RBMS3: variants seen among roughly 807,000 people sequenced by gnomAD.
RBMS3 encodes RNA-binding motif, single-stranded-interacting protein 3.
Under a neutral mutation model 66.8 loss-of-function variants are expected in RBMS3, and 27 were observed. The observed-to-expected ratio is 0.40, with a 90% CI of 0.30 to 0.56. The LOEUF (loss-of-function observed/expected upper bound fraction) is 0.56. Among genes scored for constraint, RBMS3 ranks in the 20% least tolerant of loss-of-function variants. The pLI, the probability that RBMS3 is intolerant of heterozygous loss-of-function variation, is 0.40. For synonymous variants in RBMS3, 188 were observed against 183.0 expected (o/e 1.03, Z -0.22); for missense variants, 513 against 549.5 (o/e 0.93, Z 0.66).
At chr3:29,854,195 G>A (rs964707548) in intron 6 of RBMS3, among the ~76,000 whole-genome samples, 2 of 152,100 alleles carry the variant, frequency 1.3e-5, no homozygotes, top group Non-Finnish European at 2.9e-5. Context: ...CCCTCCCCGC[G>A]TCCCTGCAGC....
At chr3:29,363,470 C>A (rs1191636881) in intron 1 of RBMS3, among the ~76,000 whole-genome samples, 1 of 152,042 alleles carries the variant, frequency 6.6e-6, no homozygotes, top group Admixed American at 6.6e-5. Context: ...TTATACATTA[C>A]CACAAAGTCA....
At chr3:29,532,791 G>A (rs1233466124) in intron 3 of RBMS3, among the ~76,000 whole-genome samples, 3 of 152,030 alleles carry the variant, frequency 2.0e-5, no homozygotes, top group African/African-American at 7.2e-5. Flanking sequence ...AATCATTAGT[G>A]CAAAGCAACT....
intron 3 of RBMS3, among the ~76,000 whole-genome samples, chr3:29,559,408 G>A (rs1441223238): frequency 1.3e-5 from 2 of 150,596 alleles, no homozygotes; most frequent in Admixed American, 1.3e-4. Context: ...CTACTCAGGA[G>A]GCTGAGGCAG....
At chr3:29,791,136 T>C (rs954816129) in intron 6 of RBMS3, among the ~76,000 whole-genome samples, 3 of 152,218 alleles carry the variant, frequency 2.0e-5, no homozygotes, top group Non-Finnish European at 2.9e-5. Context: ...GTTTTTGTTT[T>C]TGTTTTTTAA....
intron 3 of RBMS3, among the ~76,000 whole-genome samples, chr3:29,527,920 AAAAT>A (rs985295830): frequency 9.9e-5 from 15 of 151,846 alleles, no homozygotes; most frequent in African/African-American, 2.4e-4. Flanking sequence ...GTATAATAAA[AAAAT>A]AAATAAATAA....
intron 6 of RBMS3, among the ~76,000 whole-genome samples, chr3:29,813,351 T>G (rs2057780058): frequency 6.6e-6 from 1 of 152,110 alleles, no homozygotes; most frequent in African/African-American, 2.4e-5. Flanking sequence ...CAAAAAGGCA[T>G]GAGTTAGGAT....
chr3:29,938,750 G>A (rs2061325458), intron 11 of RBMS3, among the ~76,000 whole-genome samples: 1 of 151,836 alleles, frequency 6.6e-6, no homozygotes, highest in Non-Finnish European at 1.5e-5. Context: ...AGGAATCCTG[G>A]CATCATGGAA....
At chr3:29,437,126 A>G (rs946941602) in intron 2 of RBMS3, among the ~76,000 whole-genome samples, 4 of 152,216 alleles carry the variant, frequency 2.6e-5, no homozygotes, top group Non-Finnish European at 5.9e-5. Flanking sequence ...CAATTGTTAC[A>G]TATTCAAGAA....
chr3:29,824,231 G>A (rs2058146447), intron 6 of RBMS3, among the ~76,000 whole-genome samples: 1 of 151,024 alleles, frequency 6.6e-6, no homozygotes, highest in Non-Finnish European at 1.5e-5. Context: ...ATGCATGAAT[G>A]GGATTAATGT....
chr3:29,891,673 T>G (rs760699407), intron 8 of RBMS3, among the ~76,000 whole-genome samples: 18 of 151,568 alleles, frequency 1.2e-4, no homozygotes, highest in Admixed American at 3.3e-4. Context: ...TGTTTTTATT[T>G]GAATAAAATA....
chr3:29,854,572 T>G (rs1437102105), intron 6 of RBMS3, among the ~76,000 whole-genome samples: 1 of 152,204 alleles, frequency 6.6e-6, no homozygotes, highest in African/African-American at 2.4e-5. Flanking sequence ...GAGAATTGTT[T>G]CATTTCATGG....
chr3:29,872,082 C>T (rs564248981), intron 7 of RBMS3, among the ~76,000 whole-genome samples: 5 of 152,012 alleles, frequency 3.3e-5, no homozygotes, highest in East Asian at 1.9e-4. Context: ...ATAAAATGAT[C>T]GAGGGATGGG....
intron 4 of RBMS3, among the ~76,000 whole-genome samples, chr3:29,593,757 C>G (rs1328614599): frequency 2.0e-5 from 3 of 152,212 alleles, no homozygotes; most frequent in African/African-American, 7.2e-5. Flanking sequence ...TTATGTTGAA[C>G]ACCTGCTATC....
chr3:29,686,818 C>T (rs560068059), intron 4 of RBMS3, among the ~76,000 whole-genome samples: 61 of 152,256 alleles, frequency 4.0e-4, no homozygotes, highest in African/African-American at 1.4e-3. Context: ...TAGGATATAA[C>T]TTAACAAATG....
rs536852882 is a variant in RBMS3, at chr3:29,515,489, G to A, written c.307+26990G>A. 1.2e-4 allele frequency among the ~76,000 whole-genome samples: 18 copies of A among 152,296 alleles called. 1 individual carries two copies. In the South Asian group the frequency reaches 3.3e-3, roughly 28 times the overall value. ...GGCCAGAGTAATATTTTGGAAAGTC[G>A]ATTCTGGCAAAGAATTTGGAATGAC... is the stretch of plus-strand genomic sequence containing the variant. On this transcript the variant is annotated intron_variant, in intron 3 of 14. Transcript: ENST00000383767.
chr3:29,530,488 A>C (rs938692661), intron 3 of RBMS3, among the ~76,000 whole-genome samples: 3 of 152,178 alleles, frequency 2.0e-5, no homozygotes, highest in Non-Finnish European at 4.4e-5. Flanking sequence ...AAGTGAAATG[A>C]AAATGTTTTG....
At chr3:29,831,965 T>C (rs2058381312) in intron 6 of RBMS3, among the ~76,000 whole-genome samples, 1 of 152,160 alleles carries the variant, frequency 6.6e-6, no homozygotes, top group African/African-American at 2.4e-5. Flanking sequence ...GTGATCATCA[T>C]AAGCTTAGTA....
At chr3:29,630,512 C>A (rs1460693828) in intron 4 of RBMS3, among the ~76,000 whole-genome samples, 1 of 151,752 alleles carries the variant, frequency 6.6e-6, no homozygotes, top group African/African-American at 2.4e-5. Flanking sequence ...TTGATTGCCA[C>A]AAAAATTAGT....
chr3:29,428,225 A>G (rs998667742), intron 1 of RBMS3, among the ~76,000 whole-genome samples: 11 of 152,040 alleles, frequency 7.2e-5, no homozygotes, highest in Non-Finnish European at 1.3e-4. Context: ...TCCCAACCCT[A>G]CAGGGGGACA....
Sources: gnomAD v4.1 joint callset for allele counts (sites outside exome capture counted in the v4.1 genomes callset) on GRCh38, gnomAD v4.1.1 for gene constraint, MANE v1.5 for transcripts, NCBI Gene and HGNC (gene_info 2026-07-23, HGNC 2026-07-21) for gene names.